The following PRKCB variants were observed in gnomAD, a reference collection of about 807,000 sequenced individuals.
PRKCB encodes the protein protein kinase C beta, also known as protein kinase C beta type.
In PRKCB, 13 loss-of-function variants were observed where a neutral mutation model predicts 81.5. That is an observed-to-expected ratio of 0.16 (90% CI 0.10 to 0.25). The LOEUF (loss-of-function observed/expected upper bound fraction) is 0.25. PRKCB is among the 10% of genes least tolerant of loss of function. The pLI is 1.00. For synonymous variants in PRKCB, 335 were observed against 321.4 expected (o/e 1.04, Z -0.45); for missense variants, 509 against 875.7 (o/e 0.58, Z 5.29).
chr16:24,170,584 C>A (rs1038375153), intron 10 of PRKCB, among the ~76,000 whole-genome samples: 1 of 152,140 alleles, frequency 6.6e-6, no homozygotes. Context: ...TTAGCAAACA[C>A]CCTCTGATGG....
intron 2 of PRKCB, among the ~76,000 whole-genome samples, chr16:23,859,547 G>T (rs557574086): frequency 2.6e-5 from 4 of 152,138 alleles, no homozygotes; most frequent in East Asian, 1.9e-4. Context: ...TGGTGGAGAG[G>T]GGGGAGAAAT....
chr16:23,840,945 A>G (rs1962252920), intron 2 of PRKCB, among the ~76,000 whole-genome samples: 1 of 152,200 alleles, frequency 6.6e-6, no homozygotes, highest in African/African-American at 2.4e-5. Context: ...AGGTAATTTA[A>G]GAATGTGTTT....
At chr16:23,901,053 C>T (rs987583262) in intron 2 of PRKCB, among the ~76,000 whole-genome samples, 1 of 152,196 alleles carries the variant, frequency 6.6e-6, no homozygotes. Flanking sequence ...AGGGTCACTT[C>T]TGTCTCTCCC....
chr16:24,201,952 C>T (rs768801155), intron 16 of PRKCB, among the ~76,000 whole-genome samples: 5 of 151,208 alleles, frequency 3.3e-5, no homozygotes, highest in African/African-American at 7.3e-5. Context: ...AGGAGAATGG[C>T]GTGAACCCAG....
intron 2 of PRKCB, among the ~76,000 whole-genome samples, chr16:23,982,056 CCTTCCCCTTCT>C: frequency 1.7e-5 from 2 of 119,802 alleles, no homozygotes; most frequent in Non-Finnish European, 3.5e-5. Context: ...CTTCCCTTTC[CCTTCCCCTTCT>C]CTTTCCCTTC....
chr16:23,925,288 G>A (rs1963880782), intron 2 of PRKCB, among the ~76,000 whole-genome samples: 1 of 152,100 alleles, frequency 6.6e-6, no homozygotes, highest in Non-Finnish European at 1.5e-5. Flanking sequence ...CCCATCCTCT[G>A]CCCTGATAAC....
chr16:24,180,940 T>G lies in PRKCB; in HGVS notation c.1533+12T>G. On this transcript the variant is annotated intron_variant, in intron 13 of 16. Coordinates refer to ENST00000643927, the MANE Select transcript of PRKCB (RefSeq NM_002738.7). Reference sequence around the variant, plus strand: ...ACATCGCCCCCGAGGTGAGAGCTGCTGGGCACACGTTCACATTGCGGTGAT... The same window carrying G: ...ACATCGCCCCCGAGGTGAGAGCTGCGGGGCACACGTTCACATTGCGGTGAT... 1.9e-6 allele frequency: 3 copies of G among 1,613,338 alleles called. No homozygotes were observed. Among genetic ancestry groups the G allele is most frequent in the Non-Finnish European group, 2.5e-6 (3 of 1,179,516 alleles).
intron 2 of PRKCB, among the ~76,000 whole-genome samples, chr16:23,968,501 C>T (rs539186566): frequency 1.3e-5 from 2 of 152,160 alleles, no homozygotes; most frequent in Non-Finnish European, 2.9e-5. Flanking sequence ...GGATGAACCG[C>T]TTCCCAAATA....
At chr16:24,200,422 G>GGCTCCCTTTAGAT (rs1967940243) in intron 16 of PRKCB, among the ~76,000 whole-genome samples, 1 of 152,154 alleles carries the variant, frequency 6.6e-6, no homozygotes, top group Non-Finnish European at 1.5e-5. Flanking sequence ...GATCAAACCA[G>GGCTCCCTTTAGAT]GCTCCCTTTA....
intron 11 of PRKCB, among the ~76,000 whole-genome samples, chr16:24,172,587 T>C (rs949885996): frequency 1.3e-4 from 20 of 152,224 alleles, no homozygotes; most frequent in African/African-American, 4.8e-4. Flanking sequence ...GGCTCATACC[T>C]GTAATCTCAG....
intron 7 of PRKCB, among the ~76,000 whole-genome samples, chr16:24,112,636 G>A (rs1228436559): frequency 6.6e-6 from 1 of 152,168 alleles, no homozygotes; most frequent in Non-Finnish European, 1.5e-5. Context: ...TGGACAAAAA[G>A]TAGGTAAAAA....
chr16:24,214,548 G>C, intron 16 of PRKCB, 110 bp from the exon 17 acceptor site: 2 of 842,992 alleles, frequency 2.4e-6, no homozygotes, highest in Non-Finnish European at 3.7e-6. Flanking sequence ...TTCTGAAAGG[G>C]AAGGGAATGG....
chr16:23,942,983 C>T (rs779270039), intron 2 of PRKCB, among the ~76,000 whole-genome samples: 4 of 152,188 alleles, frequency 2.6e-5, no homozygotes, highest in Non-Finnish European at 5.9e-5. Context: ...TGTTCTTCCA[C>T]TCCCCTCCGG....
chr16:24,136,095 T>G (rs1208731721), intron 9 of PRKCB, among the ~76,000 whole-genome samples: 1 of 145,176 alleles, frequency 6.9e-6, no homozygotes, highest in African/African-American at 2.6e-5. Flanking sequence ...GATTGCAGCG[T>G]GTTTTTTTTT....
rs113117633 is a variant in PRKCB, at chr16:24,203,251, C to CAA, written c.1864-11396_1864-11395dup. The CAA allele has an allele frequency of 4.3e-4, 60 of 139,866 alleles. No individual in the cohort carries two copies. The South Asian group carries it at 5.1e-3, about 12-fold the overall frequency. The allele number at this position is 139,866 out of a possible 1,614,324, so 8.7% of individuals were successfully genotyped here. On this transcript the variant is annotated intron_variant, in intron 16 of 16. Coordinates refer to ENST00000643927, the MANE Select transcript of PRKCB (RefSeq NM_002738.7). ...CGAGTGACAGAGTGAGACCCTGTCT[C>CAA]AAAAAAAAAAAAGTGGATAACTTAC...
intron 11 of PRKCB, 51 bp from the exon 12 acceptor site, chr16:24,174,467 A>G (rs772797681): frequency 4.0e-6 from 6 of 1,514,294 alleles, no homozygotes; most frequent in Non-Finnish European, 5.5e-6. Context: ...ATTGCCAAGC[A>G]TATGGTGTCC....
chr16:23,948,300 T>C (rs1964231074), intron 2 of PRKCB, among the ~76,000 whole-genome samples: 1 of 152,224 alleles, frequency 6.6e-6, no homozygotes, highest in Non-Finnish European at 1.5e-5. Context: ...TCTCAGGGCC[T>C]CCCAAAGCTT....
intron 9 of PRKCB, among the ~76,000 whole-genome samples, chr16:24,152,277 G>A (rs385400): frequency 0.36 from 54,055 of 151,592 alleles, 9,848 homozygotes; most frequent in South Asian, 0.47. Flanking sequence ...AAAATCATCC[G>A]ATCTTGTGAG....
chr16:23,956,632 C>G (rs1237439466), intron 2 of PRKCB, among the ~76,000 whole-genome samples: 2 of 152,128 alleles, frequency 1.3e-5, no homozygotes, highest in Non-Finnish European at 2.9e-5. Context: ...AAATTGCTCT[C>G]AAATGTTGTG....
Sources: gnomAD v4.1 joint callset for allele counts (sites outside exome capture counted in the v4.1 genomes callset) on GRCh38, gnomAD v4.1.1 for gene constraint, MANE v1.5 for transcripts, NCBI Gene and HGNC (gene_info 2026-07-23, HGNC 2026-07-21) for gene names.